Variants in PCDH15 observed in about 807,000 individuals in gnomAD.
PCDH15 encodes the protein protocadherin-15.
In PCDH15, 129 loss-of-function variants were observed where a neutral mutation model predicts 178.5. That is an observed-to-expected ratio of 0.72 (90% CI 0.63 to 0.84). PCDH15 has a LOEUF of 0.84. PCDH15 is among the 40% of genes least tolerant of loss of function. PCDH15 has a pLI of 0.00. For synonymous variants in PCDH15, 800 were observed against 732.0 expected (o/e 1.09, Z -1.50); for missense variants, 2,230 against 2,099.9 (o/e 1.06, Z -1.21).
intron 1 of PCDH15, among the ~76,000 whole-genome samples, chr10:54,777,542 T>A (rs1272532712): frequency 6.6e-6 from 1 of 152,150 alleles, no homozygotes; most frequent in African/African-American, 2.4e-5. Flanking sequence ...TTCCCAACAG[T>A]CACAGAAGCA....
intron 26 of PCDH15, among the ~76,000 whole-genome samples, chr10:53,896,800 C>T (rs1031080917): frequency 2.6e-5 from 4 of 152,140 alleles, no homozygotes; most frequent in African/African-American, 9.7e-5. Context: ...TTCCAGGTTG[C>T]ACAAACCTTA....
At chr10:55,329,112 T>C (rs1469181122) in intron 2 of PCDH15, among the ~76,000 whole-genome samples, 1 of 150,510 alleles carries the variant, frequency 6.6e-6, no homozygotes, top group Non-Finnish European at 1.5e-5. Context: ...GGAAACATTG[T>C]ACAGAGAAGA....
intron 1 of PCDH15, among the ~76,000 whole-genome samples, chr10:54,723,623 G>A (rs1942017837): frequency 6.6e-6 from 1 of 151,582 alleles, no homozygotes; most frequent in African/African-American, 2.4e-5. Flanking sequence ...TAAACAATGG[G>A]AGAAAATATT....
chr10:54,847,673 A>G (rs934545476), intron 3 of PCDH15, among the ~76,000 whole-genome samples: 1 of 152,156 alleles, frequency 6.6e-6, no homozygotes, highest in Non-Finnish European at 1.5e-5. Flanking sequence ...ATTAATTTTT[A>G]CTCTACTTAC....
intron 6 of PCDH15, among the ~76,000 whole-genome samples, chr10:54,331,036 T>C (rs139593829): frequency 2.2e-3 from 325 of 150,434 alleles, no homozygotes; most frequent in African/African-American, 7.7e-3. Context: ...GAAGGGGAAG[T>C]GTGGAAGAAG....
chr10:54,475,961 T>C lies in PCDH15; in HGVS notation c.157+51851A>G, dbSNP rs950734931. 1.4e-5 allele frequency among the ~76,000 whole-genome samples: 2 copies of C among 145,194 alleles called. 1 individual carries two copies. The highest frequency in any genetic ancestry group is 4.8e-4 in the South Asian group (2 of 4,174). On this transcript the variant is annotated intron_variant, in intron 3 of 37. Coordinates refer to ENST00000644397, the MANE Select transcript of PCDH15 (RefSeq NM_001384140.1). The stretch of plus-strand genomic sequence containing the variant: ...GCCCTATAAATGTAATCACTATGCA[T>C]ATTGGATGTAATCACTATGCATATG...
chr10:54,591,284 C>A (rs555635162), intron 2 of PCDH15, among the ~76,000 whole-genome samples: 44 of 152,238 alleles, frequency 2.9e-4, no homozygotes, highest in African/African-American at 9.9e-4. Flanking sequence ...TCTGGATAGA[C>A]CCAATCTCAT....
chr10:55,578,913 C>T (rs75928661), intron 2 of PCDH15, among the ~76,000 whole-genome samples: 2,454 of 152,246 alleles, frequency 0.016, 69 homozygotes, highest in African/African-American at 0.056. Flanking sequence ...TTACCTCCCA[C>T]GGGTTCCCTC....
chr10:54,965,578 T>C (rs970563612), intron 2 of PCDH15, among the ~76,000 whole-genome samples: 2 of 148,758 alleles, frequency 1.3e-5, no homozygotes, highest in African/African-American at 5.0e-5. Flanking sequence ...TGGACTAATA[T>C]GCATAGTATG....
chr10:55,556,363 GCATATCTTTGCCTCTAC>G (rs1842090993), intron 2 of PCDH15, among the ~76,000 whole-genome samples: 1 of 152,094 alleles, frequency 6.6e-6, no homozygotes, highest in African/African-American at 2.4e-5. Context: ...ATCTATTGCT[GCATATCTTTGCCTCTAC>G]CATATATTGT....
rs190048793 is a variant in PCDH15, at chr10:54,616,389, T to A, written c.91+47783A>T. ...ATGAGGAACTTTTAAATCAGTGAAA[T>A]CATAGAACTGCTTCTTTGGAGGCCT... On this transcript the variant is annotated intron_variant, in intron 2 of 37. Coordinates refer to ENST00000644397, the MANE Select transcript of PCDH15 (RefSeq NM_001384140.1). 2.2e-3 allele frequency among the ~76,000 whole-genome samples: 340 copies of A among 152,162 alleles called. 2 individuals are homozygous for A. Among genetic ancestry groups the A allele is most frequent in the African/African-American group, 7.7e-3 (321 of 41,550 alleles).
rs754940544 is a variant in PCDH15, at chr10:55,259,563, TAGG to T, written c.-156+60033_-156+60035del. 4.6e-4 allele frequency among the ~76,000 whole-genome samples: 70 copies of T among 152,210 alleles called. No homozygotes were observed. The Middle Eastern group carries it at 0.017, about 37-fold the overall frequency. On this transcript the variant is annotated intron_variant, in intron 1 of 5. Coordinates refer to the PCDH15 transcript ENST00000458638. Reference sequence around the variant, plus strand: ...AAGACTCTTTGGAGTGAATTAAGAATAGGAGGAGACCTGAGGACATGCAGATAG... The same window carrying T: ...AAGACTCTTTGGAGTGAATTAAGAATAGGAGACCTGAGGACATGCAGATAG...
intron 32 of PCDH15, chr10:53,821,535 A>G (rs1050916786): frequency 9.2e-7 from 1 of 1,082,044 alleles, no homozygotes; most frequent in Non-Finnish European, 1.1e-6. Context: ...CACATGATAG[A>G]CATGCCTTTG....
At chr10:54,773,500 A>G (rs1721059438) in intron 1 of PCDH15, among the ~76,000 whole-genome samples, 1 of 152,188 alleles carries the variant, frequency 6.6e-6, no homozygotes. Flanking sequence ...AGATTCTATA[A>G]TTAATCACCA....
intron 2 of PCDH15, among the ~76,000 whole-genome samples, chr10:55,338,501 G>A (rs1483242027): frequency 6.6e-6 from 1 of 152,146 alleles, no homozygotes; most frequent in African/African-American, 2.4e-5. Context: ...GGGGACAGTG[G>A]CTCACGCCTG....
Position 54,547,265 on chromosome 10 carries a change from A to G in PCDH15, c.92-19388T>C, listed in dbSNP as rs562995346. On this transcript the variant is annotated intron_variant, in intron 2 of 37. Coordinates refer to ENST00000644397, the MANE Select transcript of PCDH15 (RefSeq NM_001384140.1). ...TTCTCAAACAAAATGCTTTATATAC[A>G]TAGCAAGCTGGCTTGCTATCCATCT... 2.2e-4 allele frequency among the ~76,000 whole-genome samples: 34 copies of G among 152,292 alleles called. No individual in the cohort carries two copies. The South Asian group carries it at 6.6e-3, about 30-fold the overall frequency.
chr10:54,202,513 T>C (rs186400438), intron 10 of PCDH15, among the ~76,000 whole-genome samples: 36 of 152,178 alleles, frequency 2.4e-4, no homozygotes, highest in Non-Finnish European at 4.0e-4. Context: ...GAAGGCCTAA[T>C]AAAAAGCAGA....
intron 2 of PCDH15, among the ~76,000 whole-genome samples, chr10:55,587,804 G>A (rs1281021115): frequency 1.3e-5 from 2 of 152,080 alleles, no homozygotes; most frequent in African/African-American, 2.4e-5. Flanking sequence ...TTAAGAGGTC[G>A]TTTGTTAGCT....
intron 2 of PCDH15, among the ~76,000 whole-genome samples, chr10:55,553,777 G>A (rs1051638907): frequency 2.0e-5 from 3 of 151,856 alleles, no homozygotes; most frequent in African/African-American, 7.2e-5. Flanking sequence ...GTAGTTGAGA[G>A]TCTGTTACAA....
Sources: gnomAD v4.1 joint callset for allele counts (sites outside exome capture counted in the v4.1 genomes callset) on GRCh38, gnomAD v4.1.1 for gene constraint, MANE v1.5 for transcripts, NCBI Gene and HGNC (gene_info 2026-07-23, HGNC 2026-07-21) for gene names.